Variants in TP73 observed in about 807,000 individuals in gnomAD.
TP73 encodes p53-like transcription factor.
In TP73, 25 loss-of-function variants were observed where a neutral mutation model predicts 62.5. The observed-to-expected ratio is 0.40, with a 90% CI of 0.29 to 0.56. The LOEUF is 0.56. TP73 is among the 20% of genes least tolerant of loss of function. The pLI, the probability that TP73 is intolerant of heterozygous loss-of-function variation, is 0.46. For missense variants in TP73, 754 were observed against 913.3 expected (o/e 0.83, Z 2.25); for synonymous variants, 423 against 377.5 (o/e 1.12, Z -1.40).
At chr1:3,711,102 G>A (rs9786961) in intron 4 of TP73, among the ~76,000 whole-genome samples, 37,187 of 152,180 alleles carry the variant, frequency 0.24, 5,559 homozygotes, top group East Asian at 0.37. Flanking sequence ...CTTCTGCTTC[G>A]CCCCTCTGCC....
intron 3 of TP73, among the ~76,000 whole-genome samples, chr1:3,704,100 G>A (rs975686302): frequency 6.6e-6 from 1 of 152,194 alleles, no homozygotes; most frequent in East Asian, 1.9e-4. Flanking sequence ...CTGCCAGCTC[G>A]CTTGTTCAGC....
chr1:3,710,555 G>A (rs1052262315), intron 4 of TP73, among the ~76,000 whole-genome samples: 1 of 152,180 alleles, frequency 6.6e-6, no homozygotes, highest in Non-Finnish European at 1.5e-5. Flanking sequence ...GTAACTGATA[G>A]ATAATTCATA....
intron 9 of TP73, among the ~76,000 whole-genome samples, chr1:3,728,595 T>G (rs1641867038): frequency 6.6e-6 from 1 of 152,124 alleles, no homozygotes; most frequent in Admixed American, 6.5e-5. Context: ...GCCTCTCACA[T>G]GTGGCCTCCA....
At chr1:3,721,750 CCTGA>C (rs1263389959) in intron 4 of TP73, among the ~76,000 whole-genome samples, 1 of 152,180 alleles carries the variant, frequency 6.6e-6, no homozygotes, top group Non-Finnish European at 1.5e-5. Flanking sequence ...AGCCTCTCTG[CCTGA>C]CTGCCACCGG....
rs560545025 is a variant in TP73 at position 3,696,502 on chromosome 1, C to T, written c.187-11047C>T. 2.6e-5 allele frequency among the ~76,000 whole-genome samples: 4 copies of T among 151,764 alleles called. No individual in the cohort carries two copies. Among genetic ancestry groups the T allele is most frequent in the South Asian group, 2.1e-4 (1 of 4,756 alleles). ...TCTGCACGGAGGCAGGGAGAGACAG[C>T]GGCTGGAGCTGAGCACTGGGCACTA... On this transcript the variant is annotated intron_variant, in intron 3 of 13. Transcript: ENST00000378295. This position sits in a 1 kb window ranked among gnomAD's most constrained non-coding sequence, Gnocchi z 4.1.
At chr1:3,705,846 C>T (rs1639582111) in intron 3 of TP73, among the ~76,000 whole-genome samples, 2 of 152,214 alleles carry the variant, frequency 1.3e-5, no homozygotes, top group Admixed American at 1.3e-4. Context: ...GGATGCGGCC[C>T]TCGTCAGGGA....
At chr1:3,728,352 G>A in intron 9 of TP73, 135 bp downstream of exon 9, 1 of 845,086 alleles carries the variant, frequency 1.2e-6, no homozygotes, top group Non-Finnish European at 1.8e-6. Flanking sequence ...CTGTGTGAGA[G>A]GGTCCAGAGG....
intron 11 of TP73, among the ~76,000 whole-genome samples, chr1:3,730,361 G>A (rs954131574): frequency 6.6e-6 from 1 of 152,366 alleles, no homozygotes. Context: ...GCGTGGTTAA[G>A]AGCGTGGAAC....
At chr1:3,665,430 T>C (rs1005160674) in intron 1 of TP73, among the ~76,000 whole-genome samples, 1 of 152,208 alleles carries the variant, frequency 6.6e-6, no homozygotes, top group Non-Finnish European at 1.5e-5. Flanking sequence ...GAGGCCAGTA[T>C]AACTCCAAGA....
At chr1:3,710,228 G>A (rs976158224) in intron 4 of TP73, among the ~76,000 whole-genome samples, 1 of 151,918 alleles carries the variant, frequency 6.6e-6, no homozygotes, top group African/African-American at 2.4e-5. Flanking sequence ...CGCGAACTGG[G>A]GAGGAAAATG....
At chr1:3,654,045 G>A (rs1475351277) in intron 1 of TP73, among the ~76,000 whole-genome samples, 1 of 152,114 alleles carries the variant, frequency 6.6e-6, no homozygotes, top group Non-Finnish European at 1.5e-5. Context: ...ATGGTGGCAG[G>A]CACCTGTACT....
chr1:3,716,547 G>T (rs1157701351), intron 4 of TP73, among the ~76,000 whole-genome samples: 1 of 152,290 alleles, frequency 6.6e-6, no homozygotes, highest in South Asian at 2.1e-4. Context: ...GGCAGGGAGG[G>T]ACCAGCCCTG....
chr1:3,652,904 C>T (rs1644786092), intron 1 of TP73: 1 of 152,342 alleles, frequency 6.6e-6, no homozygotes, highest in Admixed American at 6.5e-5. Context: ...CCTTTGGCGC[C>T]AAAGACAGCC....
At chr1:3,676,421 G>A (rs1175745899) in intron 1 of TP73, among the ~76,000 whole-genome samples, 1 of 142,890 alleles carries the variant, frequency 7.0e-6, no homozygotes, top group Non-Finnish European at 1.5e-5. Context: ...AGGGAGACAG[G>A]GGGACAGGGA....
At chr1:3,653,528 G>A (rs1222692005) in intron 1 of TP73, among the ~76,000 whole-genome samples, 1 of 152,258 alleles carries the variant, frequency 6.6e-6, no homozygotes, top group East Asian at 1.9e-4. Flanking sequence ...AGGGTGCAGG[G>A]AAAAGCAATG....
chr1:3,686,278 C>T (rs1426449955), intron 3 of TP73, among the ~76,000 whole-genome samples: 1 of 152,248 alleles, frequency 6.6e-6, no homozygotes, highest in Non-Finnish European at 1.5e-5. Flanking sequence ...CACGAGCAGG[C>T]AGATTGGTTC....
chr1:3,693,719 T>TTCTGCAATCCCAGC (rs1638300060), intron 3 of TP73, among the ~76,000 whole-genome samples: 1 of 143,438 alleles, frequency 7.0e-6, no homozygotes, highest in African/African-American at 2.7e-5. Context: ...TAGCCCCTCC[T>TTCTGCAATCCCAGC]CCTGCAATCC....
intron 4 of TP73, among the ~76,000 whole-genome samples, chr1:3,708,685 G>A (rs1198493442): frequency 6.6e-6 from 1 of 152,164 alleles, no homozygotes; most frequent in African/African-American, 2.4e-5. Flanking sequence ...AAGGCTGCAT[G>A]ACCCCAGCCA....
At chr1:3,677,710 T>TA (rs1645406072) in intron 1 of TP73, among the ~76,000 whole-genome samples, 1 of 147,066 alleles carries the variant, frequency 6.8e-6, no homozygotes, top group Non-Finnish European at 1.5e-5. Flanking sequence ...TTTTTTTTTT[T>TA]AGAGTTGTGG....
Sources: allele counts gnomAD v4.1 joint callset (sites outside exome capture counted in the v4.1 genomes callset), GRCh38; gene constraint gnomAD v4.1.1; non-coding constraint Gnocchi (gnomAD v3.1); transcripts MANE v1.5; gene names NCBI Gene and HGNC (gene_info 2026-07-23, HGNC 2026-07-21).